SMOC2: variants seen among roughly 807,000 people sequenced by gnomAD.
SMOC2 encodes the protein SPARC related modular calcium binding 2, also known as SPARC-related modular calcium-binding protein 2.
In SMOC2, 39 loss-of-function variants were observed where a neutral mutation model predicts 61.4. The ratio of observed to expected loss-of-function variants is 0.64; its 90% confidence interval spans 0.49 to 0.83. The LOEUF is 0.83. SMOC2 is among the 40% of genes least tolerant of loss of function. SMOC2 has a pLI of 0.00. For synonymous variants in SMOC2, 247 were observed against 239.9 expected (o/e 1.03, Z -0.27); for missense variants, 556 against 592.9 (o/e 0.94, Z 0.65).
At chr6:168,503,822 C>T (rs1583062731) in intron 1 of SMOC2, among the ~76,000 whole-genome samples, 3 of 152,186 alleles carry the variant, frequency 2.0e-5, no homozygotes, top group South Asian at 2.1e-4. Context: ...CAGTCTAGTG[C>T]ATCAGGGAGG....
At chr6:168,595,371 C>T (rs1400828126) in intron 7 of SMOC2, among the ~76,000 whole-genome samples, 5 of 152,176 alleles carry the variant, frequency 3.3e-5, no homozygotes, top group African/African-American at 1.2e-4. Context: ...CTGTCATGTG[C>T]GAATTCACCC....
At chr6:168,637,966 TGCCCCTGCCCC>T (rs1241345408) in intron 9 of SMOC2, among the ~76,000 whole-genome samples, 1 of 151,782 alleles carries the variant, frequency 6.6e-6, no homozygotes, top group Non-Finnish European at 1.5e-5. Flanking sequence ...GAGCCAGGCG[TGCCCCTGCCCC>T]GCCCCTGCCC....
intron 9 of SMOC2, among the ~76,000 whole-genome samples, chr6:168,642,931 G>C (rs1449776115): frequency 6.6e-6 from 1 of 152,214 alleles, no homozygotes; most frequent in East Asian, 1.9e-4. Flanking sequence ...TGTGGCTGTA[G>C]AACTAGATGG....
intron 7 of SMOC2, among the ~76,000 whole-genome samples, chr6:168,590,317 G>T (rs4989796): frequency 7.8e-5 from 3 of 38,348 alleles, no homozygotes; most frequent in Non-Finnish European, 1.2e-4. Context: ...GGTGTGGCAT[G>T]AGTTTAGGGG....
chr6:168,600,637 T>C (rs942976450), intron 8 of SMOC2, among the ~76,000 whole-genome samples: 3 of 152,180 alleles, frequency 2.0e-5, no homozygotes, highest in African/African-American at 7.2e-5. Flanking sequence ...GTGGACGGCA[T>C]CAAATACCAG....
chr6:168,499,481 G>A (rs1041898259), intron 1 of SMOC2, among the ~76,000 whole-genome samples: 7 of 152,196 alleles, frequency 4.6e-5, no homozygotes, highest in African/African-American at 1.7e-4. Context: ...CCCAGAGACC[G>A]ATGAGCTATA....
At chr6:168,493,293 T>A (rs1468840759) in intron 1 of SMOC2, among the ~76,000 whole-genome samples, 1 of 152,158 alleles carries the variant, frequency 6.6e-6, no homozygotes, top group Non-Finnish European at 1.5e-5. Context: ...TGCCTCGGCC[T>A]CCCAAAGTGC....
intron 8 of SMOC2, among the ~76,000 whole-genome samples, chr6:168,599,381 C>T (rs1294090539): frequency 7.3e-6 from 1 of 137,312 alleles, no homozygotes; most frequent in Non-Finnish European, 1.6e-5. Context: ...ACCACACACA[C>T]CCACACTCAC....
chr6:168,614,244 CACCTACAGCCAGCACAGGGCCTCTTTAT>C (rs1424812989), intron 9 of SMOC2, among the ~76,000 whole-genome samples: 1 of 71,830 alleles, frequency 1.4e-5, no homozygotes, highest in African/African-American at 5.7e-5. Flanking sequence ...AGCCTCTTCA[CACCTACAGCCAGCACAGGGCCTCTTTAT>C]ACCTACAGCC....
chr6:168,653,446 A>G (rs1332807352), intron 11 of SMOC2, among the ~76,000 whole-genome samples: 3 of 152,268 alleles, frequency 2.0e-5, no homozygotes, highest in Non-Finnish European at 2.9e-5. Flanking sequence ...CTCAAAGGGC[A>G]TGAACTGCGT....
At chr6:168,582,820 C>T (rs144243903) in intron 7 of SMOC2, among the ~76,000 whole-genome samples, 18 of 152,324 alleles carry the variant, frequency 1.2e-4, no homozygotes, top group South Asian at 4.1e-4. Flanking sequence ...CGAACCGACA[C>T]GCACGGGGAA....
intron 9 of SMOC2, among the ~76,000 whole-genome samples, chr6:168,633,853 C>T (rs1786637780): frequency 1.3e-5 from 2 of 152,170 alleles, no homozygotes. Context: ...CCATAATCCC[C>T]ATGTGTCGTG....
At chr6:168,625,680 C>CAGCCAAGCCG (rs2115239790) in intron 9 of SMOC2, among the ~76,000 whole-genome samples, 1 of 152,338 alleles carries the variant, frequency 6.6e-6, no homozygotes, top group African/African-American at 2.4e-5. Flanking sequence ...GGCGTATACA[C>CAGCCAAGCCG]AGCCAAGCCG....
At chr6:168,656,494 C>G (rs1787324255) in intron 11 of SMOC2, among the ~76,000 whole-genome samples, 1 of 70,722 alleles carries the variant, frequency 1.4e-5, no homozygotes, top group Non-Finnish European at 2.7e-5. Context: ...GGTGACAAAG[C>G]AAGACTTTGT....
chr6:168,582,673 A>G lies in SMOC2; in HGVS notation c.638-16145A>G, dbSNP rs139528461. 6.6e-5 allele frequency among the ~76,000 whole-genome samples: 10 copies of G among 152,314 alleles called. No homozygotes were observed. In the East Asian group the frequency reaches 1.9e-3, roughly 29 times the overall value. ...GACGGTCCACCTGGAGGGACAGGTG[A>G]CTGGAACGCCGCCATGGAGAGACGC... is the stretch of plus-strand genomic sequence containing the variant. On this transcript the variant is annotated intron_variant, in intron 7 of 12. Transcript: ENST00000356284.
intron 7 of SMOC2, among the ~76,000 whole-genome samples, chr6:168,569,683 A>G (rs1050045872): frequency 3.9e-5 from 6 of 152,170 alleles, no homozygotes; most frequent in Non-Finnish European, 8.8e-5. Context: ...AGCTCAAGCT[A>G]TCTGCCTGTC....
At chr6:168,614,806 T>C (rs1197910106) in intron 9 of SMOC2, among the ~76,000 whole-genome samples, 2 of 44,412 alleles carry the variant, frequency 4.5e-5, no homozygotes, top group East Asian at 8.3e-4. Context: ...GCACAGGGCC[T>C]CTTCATACCT....
intron 1 of SMOC2, among the ~76,000 whole-genome samples, chr6:168,490,945 G>A (rs570853650): frequency 1.3e-5 from 2 of 152,248 alleles, no homozygotes; most frequent in South Asian, 2.1e-4. Context: ...CAGCGGGGGC[G>A]GCTGGTCTCA....
intron 1 of SMOC2, among the ~76,000 whole-genome samples, chr6:168,488,691 C>A (rs1268035187): frequency 2.0e-5 from 3 of 152,092 alleles, no homozygotes; most frequent in Non-Finnish European, 2.9e-5. Context: ...CATCTGGGTC[C>A]CCTTGCATCA....
Sources: gnomAD v4.1 joint callset for allele counts (sites outside exome capture counted in the v4.1 genomes callset) on GRCh38, gnomAD v4.1.1 for gene constraint, MANE v1.5 for transcripts, NCBI Gene and HGNC (gene_info 2026-07-23, HGNC 2026-07-21) for gene names.